Variants in SMYD3 observed in about 807,000 individuals in gnomAD.
SMYD3 encodes SET and MYND domain containing 3.
Under a neutral mutation model 57.7 loss-of-function variants are expected in SMYD3, and 36 were observed. The ratio of observed to expected loss-of-function variants is 0.62; its 90% CI spans 0.48 to 0.82. The LOEUF is 0.82. SMYD3 is among the 40% of genes least tolerant of loss of function. SMYD3 has a pLI of 0.00. For missense variants in SMYD3, 515 were observed against 538.8 expected, an observed-to-expected ratio of 0.96 and a Z score of 0.44; for synonymous variants, 211 against 195.0, an observed-to-expected ratio of 1.08 and a Z score of -0.68.
Position 245,879,367 on chromosome 1 carries a change from C to A in SMYD3, c.814-15481G>T, listed in dbSNP as rs555940355. On this transcript the variant is annotated intron_variant, in intron 8 of 11. Coordinates refer to ENST00000490107, the MANE Select transcript of SMYD3 (RefSeq NM_001167740.2). ...ACTGGCTCGCAGTAACCGCTAAATG[C>A]ACATGAGCTGTGCTGTTACAGAAGA... Among the ~76,000 whole-genome samples, 94 of 152,338 alleles carry A rather than the reference C, an allele frequency of 6.2e-4. 1 individual carries two copies. The highest frequency in any genetic ancestry group is 2.2e-3 in the African/African-American group (93 of 41,588).
chr1:246,107,681 T>C (rs1156845484), intron 5 of SMYD3, among the ~76,000 whole-genome samples: 1 of 152,224 alleles, frequency 6.6e-6, no homozygotes, highest in African/African-American at 2.4e-5. Flanking sequence ...ATACAAAAGA[T>C]TGCTAATGCT....
chr1:246,396,362 G>A (rs949389498), intron 1 of SMYD3, among the ~76,000 whole-genome samples: 20 of 151,928 alleles, frequency 1.3e-4, no homozygotes, highest in African/African-American at 1.9e-4. Context: ...TGTTCCCAAC[G>A]GCTCACTTAC....
intron 5 of SMYD3, among the ~76,000 whole-genome samples, chr1:246,033,768 C>CA (rs1393118721): frequency 3.3e-5 from 5 of 152,062 alleles, no homozygotes; most frequent in African/African-American, 1.2e-4. Context: ...GCCTGGGCAA[C>CA]AGAGTGAGAC....
At chr1:246,047,722 C>G (rs2059993497) in intron 5 of SMYD3, among the ~76,000 whole-genome samples, 1 of 152,016 alleles carries the variant, frequency 6.6e-6, no homozygotes, top group South Asian at 2.1e-4. Context: ...GCCTATAATC[C>G]TAACTACTCA....
chr1:246,093,241 C>T lies in SMYD3; in HGVS notation c.532-163304G>A, dbSNP rs139967421. ...TGAAAAACTAAAACTAGAACTACCACGTGACCCAGCAATCTCACAGGTGGG... is the reference window on the plus strand; with the variant it reads ...TGAAAAACTAAAACTAGAACTACCATGTGACCCAGCAATCTCACAGGTGGG... On this transcript the variant is annotated intron_variant, in intron 5 of 11. Transcript: ENST00000490107. Among the ~76,000 whole-genome samples, 380 of 152,248 alleles carry T rather than the reference C, an allele frequency of 2.5e-3. 7 individuals are homozygous for T. Among genetic ancestry groups the T allele is most frequent in the East Asian group, 4.2e-3 (22 of 5,192 alleles).
At chr1:245,817,017 G>A (rs61831344) in intron 10 of SMYD3, among the ~76,000 whole-genome samples, 108 of 151,314 alleles carry the variant, frequency 7.1e-4, no homozygotes, top group East Asian at 3.9e-3. Context: ...CAAAGCAGCC[G>A]GGAAGCTCGA....
At chr1:245,775,585 AG>A (rs1308799926) in intron 10 of SMYD3, among the ~76,000 whole-genome samples, 1 of 151,638 alleles carries the variant, frequency 6.6e-6, no homozygotes, top group Non-Finnish European at 1.5e-5. Context: ...GGAAGGCCGC[AG>A]GGTCCTCTGC....
rs376454354 is a variant in SMYD3 at position 245,764,097 on chromosome 1, C to T, written c.1129G>A (p.Gly377Ser). ...PVRGVQVMKV[G>S]KLQLHQGMFP... The stretch of plus-strand genomic sequence containing the variant: ...ATGCCTTGATGTAGCTGCAGTTTGC[C>T]AACTTTCATCACTTGAACCCCTCTG... The change falls in exon 11 of 12, where the codon GGC (glycine) becomes AGC (serine). Residue 377 changes from glycine (G) to serine (S), a missense_variant. Physicochemically the swap from Gly to Ser is moderately conservative, Grantham distance 56 (BLOSUM62 0). Transcript: ENST00000490107. 1.3e-5 allele frequency: 21 copies of T among 1,613,932 alleles called. No individual in the cohort carries two copies. The highest frequency in any genetic ancestry group is 1.0e-4 in the Admixed American group (6 of 59,990).
At position 246,507,279 on chromosome 1, in the gene SMYD3, T is replaced by G. The variant is rs1378087824; in HGVS notation, c.-62A>C. On this transcript the variant is annotated 5_prime_UTR_variant, in exon 1 of 12. Coordinates refer to ENST00000490107, the MANE Select transcript of SMYD3 (RefSeq NM_001167740.2). The stretch of plus-strand genomic sequence containing the variant: ...GTCCAGCAGCGGGCGTCTCACGGGC[T>G]GCCGGGACCCGCGCGCCTGCGCCCT... 9 of 1,415,692 alleles carry G rather than the reference T, an allele frequency of 6.4e-6. No homozygotes were observed. The highest frequency in any genetic ancestry group is 9.3e-7 in the Non-Finnish European group (1 of 1,080,510). 87.7% of individuals were successfully genotyped at this position (1,415,692 alleles called of 1,614,324 possible).
chr1:246,212,097 C>T (rs571745901), intron 5 of SMYD3, among the ~76,000 whole-genome samples: 37 of 152,064 alleles, frequency 2.4e-4, no homozygotes, highest in Admixed American at 1.2e-3. Context: ...AAGGATGTAG[C>T]GACATAAAAA....
At chr1:245,797,679 T>TATAG (rs200665516) in intron 10 of SMYD3, among the ~76,000 whole-genome samples, 6 of 151,766 alleles carry the variant, frequency 4.0e-5, no homozygotes, top group East Asian at 3.9e-4. Flanking sequence ...TATAATTATA[T>TATAG]ATAGATAGAT....
chr1:245,781,839 T>C (rs914352206), intron 10 of SMYD3, among the ~76,000 whole-genome samples: 6 of 152,196 alleles, frequency 3.9e-5, no homozygotes, highest in African/African-American at 7.2e-5. Context: ...CGTGGTGGCA[T>C]GCATCTGTAA....
intron 1 of SMYD3, among the ~76,000 whole-genome samples, chr1:246,495,348 C>CAAAAAA (rs11329443): frequency 2.1e-4 from 12 of 57,882 alleles, no homozygotes; most frequent in African/African-American, 6.8e-4. Context: ...GACTCCGTCT[C>CAAAAAA]AAAAAAAAAA....
At chr1:246,154,767 T>G (rs1362018605) in intron 5 of SMYD3, among the ~76,000 whole-genome samples, 1 of 151,928 alleles carries the variant, frequency 6.6e-6, no homozygotes, top group Non-Finnish European at 1.5e-5. Context: ...ATGTTTTTTT[T>G]TTGTTTTGTT....
At chr1:246,132,464 T>G (rs922401677) in intron 5 of SMYD3, among the ~76,000 whole-genome samples, 6 of 152,064 alleles carry the variant, frequency 3.9e-5, no homozygotes, top group African/African-American at 1.4e-4. Context: ...AAGAATGAAG[T>G]TGGATGCTTA....
intron 1 of SMYD3, among the ~76,000 whole-genome samples, chr1:246,447,367 CA>C (rs1228967183): frequency 6.6e-6 from 1 of 152,102 alleles, no homozygotes; most frequent in Non-Finnish European, 1.5e-5. Flanking sequence ...TACCGTAATA[CA>C]AATAATCAAC....
chr1:246,195,903 T>C (rs1466176248), intron 5 of SMYD3, among the ~76,000 whole-genome samples: 2 of 152,190 alleles, frequency 1.3e-5, no homozygotes, highest in African/African-American at 2.4e-5. Context: ...GTTGCAGTGG[T>C]TGGCTGCCTG....
At position 245,829,920 on chromosome 1, in the gene SMYD3, T is replaced by C. The variant is rs1473976781; in HGVS notation, c.1076+28576A>G. On this transcript the variant is annotated intron_variant, in intron 10 of 11. Coordinates refer to ENST00000490107, the MANE Select transcript of SMYD3 (RefSeq NM_001167740.2). ...ATATAAACTGTCTAGAATAGGCAAATCTAGATAAATAGCAGATTAATGGTT... is the reference window on the plus strand; with the variant it reads ...ATATAAACTGTCTAGAATAGGCAAACCTAGATAAATAGCAGATTAATGGTT... Among the ~76,000 whole-genome samples the C allele has an allele frequency of 1.3e-5, 2 of 151,976 alleles. 1 individual carries two copies. Among genetic ancestry groups the C allele is most frequent in the Non-Finnish European group, 2.9e-5 (2 of 68,010 alleles).
At chr1:245,776,893 C>A (rs1003302729) in intron 10 of SMYD3, among the ~76,000 whole-genome samples, 4 of 152,138 alleles carry the variant, frequency 2.6e-5, no homozygotes, top group African/African-American at 9.7e-5. Context: ...GGGACACAGC[C>A]GTGTCTATTC....
Sources: allele counts gnomAD v4.1 joint callset (sites outside exome capture counted in the v4.1 genomes callset), GRCh38; gene constraint gnomAD v4.1.1; transcripts MANE v1.5; gene names NCBI Gene and HGNC (gene_info 2026-07-23, HGNC 2026-07-21).